The following VWA8 variants were observed in gnomAD, a reference collection of about 807,000 sequenced individuals.
The protein encoded by VWA8 is von Willebrand factor A domain-containing protein 8.
VWA8 carries 221 observed loss-of-function variants against 241.5 expected under a neutral mutation model. The observed-to-expected ratio is 0.91, with a 90% CI of 0.82 to 1.02. The LOEUF (loss-of-function observed/expected upper bound fraction) is 1.02, where lower values mean the gene tolerates loss of function less well. Among genes scored for constraint, VWA8 ranks in the 50% least tolerant of loss-of-function variants. The probability of loss-of-function intolerance (pLI) is 0.00; values close to 1 mark genes in which losing one functional copy is unlikely to be tolerated. For missense variants in VWA8, 2,322 were observed against 2,328.7 expected (o/e 1.00, Z 0.06); for synonymous variants, 852 against 827.1 (o/e 1.03, Z -0.52).
At chr13:41,799,674 C>T (rs1593780041) in intron 17 of VWA8, among the ~76,000 whole-genome samples, 1 of 152,152 alleles carries the variant, frequency 6.6e-6, no homozygotes, top group African/African-American at 2.4e-5. Context: ...AGCCCTATTC[C>T]TATTTGAAAG....
intron 12 of VWA8, among the ~76,000 whole-genome samples, chr13:41,854,693 C>G (rs961719462): frequency 2.0e-5 from 3 of 151,910 alleles, no homozygotes; most frequent in African/African-American, 7.3e-5. Flanking sequence ...TTGAGTGCCT[C>G]TTGGAGCTAA....
chr13:41,693,208 G>A (rs1045938150), intron 29 of VWA8, among the ~76,000 whole-genome samples: 4 of 151,640 alleles, frequency 2.6e-5, no homozygotes, highest in African/African-American at 9.7e-5. Context: ...TTATGAAGAC[G>A]TTTCTAAATA....
At chr13:41,849,562 C>G (rs1439492576) in intron 12 of VWA8, among the ~76,000 whole-genome samples, 1 of 152,142 alleles carries the variant, frequency 6.6e-6, no homozygotes, top group Non-Finnish European at 1.5e-5. Flanking sequence ...CCCTAAGACT[C>G]CTAATCAAAA....
At chr13:41,798,919 T>C (rs1350814282) in intron 17 of VWA8, among the ~76,000 whole-genome samples, 2 of 152,218 alleles carry the variant, frequency 1.3e-5, no homozygotes, top group African/African-American at 4.8e-5. Context: ...TAAGTGCTTA[T>C]TGAATTTTGT....
chr13:41,844,980 A>G (rs1872222799), intron 12 of VWA8, among the ~76,000 whole-genome samples: 2 of 152,196 alleles, frequency 1.3e-5, no homozygotes, highest in Admixed American at 1.3e-4. Context: ...TGCCCAAAGC[A>G]ATTTACAGAT....
chr13:41,653,851 G>A (rs1234336447), intron 37 of VWA8, among the ~76,000 whole-genome samples: 1 of 152,188 alleles, frequency 6.6e-6, no homozygotes, highest in Non-Finnish European at 1.5e-5. Context: ...TAAGTAGCTG[G>A]CCGTATGCAG....
rs1875309937 is a variant in VWA8, at chr13:41,899,316, G to A, written c.484-7729C>T. 2.0e-5 allele frequency among the ~76,000 whole-genome samples: 3 copies of A among 152,158 alleles called. No homozygotes were observed. The South Asian group carries it at 6.2e-4, about 31-fold the overall frequency. On this transcript the variant is annotated intron_variant, in intron 4 of 44. Transcript: ENST00000379310. The stretch of plus-strand genomic sequence containing the variant: ...ATGTTTTATAGTGCAACTGAATCCA[G>A]AGGCAAGAATATTATAAGGGGATTG...
intron 37 of VWA8, among the ~76,000 whole-genome samples, chr13:41,653,663 C>T (rs112147975): frequency 0.034 from 5,230 of 152,244 alleles, 298 homozygotes; most frequent in African/African-American, 0.12. Context: ...TCAAACTATA[C>T]TACAAGGCTA....
rs1302677163 is a variant in VWA8 at position 41,784,721 on chromosome 13, TATATATATAC to T, written c.2171-830_2171-821del. Among the ~76,000 whole-genome samples the T allele has an allele frequency of 2.0e-3, 129 of 64,582 alleles. 4 individuals carry two copies. The highest frequency in any genetic ancestry group is 5.5e-3 in the African/African-American group (122 of 22,344). The allele number at this position is 64,582 out of a possible 152,430, so 42.4% of individuals were successfully genotyped here. A position where few individuals can be genotyped will look rare whatever the true frequency, so the allele number is the denominator to read the frequency against. On this transcript the variant is annotated intron_variant, in intron 18 of 44. Transcript: ENST00000379310. ...ACATATATATATATATATATATATA[TATATATATAC>T]ACACACATATATATATATATATATA...
intron 41 of VWA8, among the ~76,000 whole-genome samples, 171 bp from the exon 42 acceptor site, chr13:41,587,841 G>A (rs2044429460): frequency 1.3e-5 from 2 of 152,240 alleles, no homozygotes; most frequent in African/African-American, 4.8e-5. Flanking sequence ...TCTATGGGTT[G>A]TACTGCAGTA....
intron 34 of VWA8, 42 bp from the exon 35 acceptor site, chr13:41,685,284 C>T (rs1371710578): frequency 1.3e-6 from 2 of 1,559,042 alleles, no homozygotes; most frequent in Non-Finnish European, 1.7e-6. Context: ...GTACCATATA[C>T]TACATTCACC....
At chr13:41,695,628 G>A (rs2045211286) in intron 29 of VWA8, among the ~76,000 whole-genome samples, 1 of 152,184 alleles carries the variant, frequency 6.6e-6, no homozygotes, top group South Asian at 2.1e-4. Context: ...CGGGAAAAGA[G>A]AAGGCAGTTT....
At chr13:41,667,760 T>C (rs1161344622) in intron 37 of VWA8, among the ~76,000 whole-genome samples, 1 of 152,220 alleles carries the variant, frequency 6.6e-6, no homozygotes, top group Non-Finnish European at 1.5e-5. Flanking sequence ...CAGAAGAATT[T>C]TGACTTATAA....
At chr13:41,581,379 A>G (rs1003423475) in intron 42 of VWA8, among the ~76,000 whole-genome samples, 9 of 152,198 alleles carry the variant, frequency 5.9e-5, no homozygotes, top group South Asian at 4.1e-4. Flanking sequence ...GAGAAATAAT[A>G]ATCCAGTACA....
At chr13:41,825,129 TTATTTATTTAC>T (rs1871125910) in intron 14 of VWA8, among the ~76,000 whole-genome samples, 1 of 152,230 alleles carries the variant, frequency 6.6e-6, no homozygotes. Flanking sequence ...TGCATTGTGT[TTATTTATTTAC>T]ATATCTGTCT....
At chr13:41,918,915 T>G (rs575428844) in intron 2 of VWA8, among the ~76,000 whole-genome samples, 1 of 152,132 alleles carries the variant, frequency 6.6e-6, no homozygotes, top group African/African-American at 2.4e-5. Context: ...AATTAGAAAT[T>G]AGTAATAAAA....
At chr13:41,579,137 A>G (rs2044367611) in intron 42 of VWA8, among the ~76,000 whole-genome samples, 1 of 152,196 alleles carries the variant, frequency 6.6e-6, no homozygotes, top group Admixed American at 6.5e-5. Context: ...GCTTTAGGAG[A>G]TGCTATGCTT....
chr13:41,847,290 T>G (rs188101284), intron 12 of VWA8, among the ~76,000 whole-genome samples: 1 of 152,136 alleles, frequency 6.6e-6, no homozygotes, highest in Non-Finnish European at 1.5e-5. Flanking sequence ...TAGTTGGTAC[T>G]ACACAGAAAA....
chr13:41,880,385 G>A (rs1874112820), intron 9 of VWA8, among the ~76,000 whole-genome samples: 1 of 151,892 alleles, frequency 6.6e-6, no homozygotes, highest in Non-Finnish European at 1.5e-5. Context: ...CACTCCAGTT[G>A]GTATTTCCTG....
Sources: gnomAD v4.1 joint callset for allele counts (sites outside exome capture counted in the v4.1 genomes callset) on GRCh38, gnomAD v4.1.1 for gene constraint, MANE v1.5 for transcripts, NCBI Gene and HGNC (gene_info 2026-07-23, HGNC 2026-07-21) for gene names.